RPTN: variants seen among roughly 807,000 people sequenced by gnomAD.
RPTN encodes intermediate filament-associated protein.
A neutral mutation model predicts 3.6 loss-of-function variants in RPTN; 4 were observed. The ratio of observed to expected loss-of-function variants is 1.12; its 90% CI spans 0.55 to 2.55. The LOEUF (loss-of-function observed/expected upper bound fraction) is 2.55, where lower values mean the gene tolerates loss of function less well. Ranked by LOEUF, RPTN falls within the 30% of genes most tolerant of loss-of-function variation. RPTN has a pLI of 0.02. For missense variants in RPTN, 860 were observed against 916.7 expected, an observed-to-expected ratio of 0.94 and a Z score of 0.80; for synonymous variants, 293 against 319.3, an observed-to-expected ratio of 0.92 and a Z score of 0.88.
intron 1 of RPTN, among the ~76,000 whole-genome samples, chr1:152,158,162 G>T (rs1659244132): frequency 6.6e-6 from 1 of 152,160 alleles, no homozygotes; most frequent in Non-Finnish European, 1.5e-5. Context: ...TGCATTGCAG[G>T]TGTTTTACAT....
In RPTN at chr1:152,154,669, C is replaced by G; in HGVS notation, c.*75G>C. On this transcript the variant is annotated 3_prime_UTR_variant, in exon 3 of 3. Transcript: ENST00000316073. ...ATTTTTGATTCTGAGATCCTTGATA[C>G]CTCTCTTTCTCCTCATAGTTTTGTC... 6 of 1,542,818 alleles carry G rather than the reference C, an allele frequency of 3.9e-6. No individual in the cohort carries two copies. The highest frequency in any genetic ancestry group is 4.4e-6 in the Non-Finnish European group (5 of 1,139,486).
chr1:152,156,695 CTG>C lies in RPTN; in HGVS notation c.402_403del (p.His134GlnfsTer4). 1 of 1,613,878 alleles carries C rather than the reference CTG, an allele frequency of 6.2e-7. No individual in the cohort carries two copies. The highest frequency in any genetic ancestry group is 8.5e-7 in the Non-Finnish European group (1 of 1,179,906). On this transcript the variant is annotated frameshift_variant, in exon 3 of 3. Coordinates refer to ENST00000316073, the MANE Select transcript of RPTN (RefSeq NM_001122965.1). LOFTEE classifies it low-confidence loss of function (END_TRUNC). Reference sequence around the variant, plus strand: ...ATCTCCGTCTTGTCTCTCAGGCTGACTGTGGTGGGAGTTCTGCCTTTCTTCCT... The same window carrying C: ...ATCTCCGTCTTGTCTCTCAGGCTGACTGGTGGGAGTTCTGCCTTTCTTCCT...
Position 152,155,628 on chromosome 1 carries a change from C to T in RPTN, c.1471G>A (p.Asp491Asn). 2.5e-6 allele frequency: 4 copies of T among 1,602,264 alleles called. No homozygotes were observed. The African/African-American group carries it at 5.4e-5, about 22-fold the overall frequency. The change falls in exon 3 of 3, where the codon GAC becomes AAC. Residue 491 changes from aspartate to asparagine, a missense_variant. Asp to Asn is a conservative substitution (Grantham distance 23). Coordinates refer to ENST00000316073, the MANE Select transcript of RPTN (RefSeq NM_001122965.1). The stretch of plus-strand genomic sequence containing the variant: ...TAATGATAACTCTGGTCTTGTCTGT[C>T]TATCTTACCATAGTGGGAACTCTGG... Reference protein sequence around the residue: ...QGQSSHYGKIDRQDQSYHYGQ... With the variant: ...QGQSSHYGKINRQDQSYHYGQ...
At position 152,154,664 on chromosome 1, in the gene RPTN, T is replaced by C; in HGVS notation, c.*80A>G. ...TTGGGATTTTTGATTCTGAGATCCT[T>C]GATACCTCTCTTTCTCCTCATAGTT... On this transcript the variant is annotated 3_prime_UTR_variant, in exon 3 of 3. Coordinates refer to ENST00000316073, the MANE Select transcript of RPTN (RefSeq NM_001122965.1). The C allele has an allele frequency of 6.5e-7, 1 of 1,543,678 alleles. No individual in the cohort carries two copies. The highest frequency in any genetic ancestry group is 8.8e-7 in the Non-Finnish European group (1 of 1,141,524).
At position 152,155,736 on chromosome 1, in the gene RPTN, C is replaced by G. The variant is rs143744326; in HGVS notation, c.1363G>C (p.Asp455His). ...TAGTGGGAACTCTGGCCTTGTCTGT[C>G]TGTCTGACCATAGTGGGAATTCTGG... ...QGQNSHYGQT[D>H]RQGQSSHYGQ... Residue 455 changes from aspartate (D) to histidine (H), a missense_variant, in exon 3 of 3, where the codon GAC (aspartate) becomes CAC (histidine). By Grantham distance (81) the Asp-to-His change is moderately conservative. Transcript: ENST00000316073. The G allele has an allele frequency of 0.031, 49,894 of 1,607,510 alleles. 908 individuals carry two copies. Among genetic ancestry groups the G allele is most frequent in the Non-Finnish European group, 0.036 (42,666 of 1,177,224 alleles).
chr1:152,155,310 A>T lies in RPTN; in HGVS notation c.1789T>A (p.Tyr597Asn). Reference sequence around the variant, plus strand: ...CTTGTTCCTTCAGTCCCTTGGAAGTACTTATTTTGCCCTTGTATTTCCCCA... The same window carrying T: ...CTTGTTCCTTCAGTCCCTTGGAAGTTCTTATTTTGCCCTTGTATTTCCCCA... ...QTGEIQGQNK[Y>N]FQGTEGTRKA... The change falls in exon 3 of 3, where the codon TAC becomes AAC. Residue 597 changes from tyrosine (Y) to asparagine (N), a missense_variant. Transcript: ENST00000316073. The T allele has an allele frequency of 6.2e-7, 1 of 1,614,198 alleles. No homozygotes were observed. Among genetic ancestry groups the T allele is most frequent in the South Asian group, 1.1e-5 (1 of 91,084 alleles).
rs750802676 is a variant in RPTN at position 152,155,270 on chromosome 1, A to C, written c.1829T>G (p.Val610Gly). 4 of 1,614,160 alleles carry C rather than the reference A, an allele frequency of 2.5e-6. No individual in the cohort carries two copies. The highest frequency in any genetic ancestry group is 3.4e-6 in the Non-Finnish European group (4 of 1,180,020). ...CCTCCCTGATCTTCCTGATTGTTCA[A>C]CATAAGAGGCTTTTCTTGTTCCTTC... ...GTEGTRKASY[V>G]EQSGRSGRLS... The change falls in exon 3 of 3, where the codon GTT becomes GGT. Residue 610 changes from valine to glycine, a missense_variant. Physicochemically the swap from Val to Gly is moderately radical, Grantham distance 109. Coordinates refer to ENST00000316073, the MANE Select transcript of RPTN (RefSeq NM_001122965.1).
rs759454761 is a variant in RPTN, at chr1:152,156,757, TG to T, written c.341del (p.Pro114GlnfsTer97). The T allele has an allele frequency of 1.9e-6, 3 of 1,614,214 alleles. No homozygotes were observed. The Admixed American group carries it at 5.0e-5, about 27-fold the overall frequency. ...GQEGAQDCKF[P>X]GNTGRQHRQR... ...GTCTGTGTTGTCTGCCTGTGTTTCC[TG>T]GGAACTTACAGTCTTGTGCTCCTTC... On this transcript the variant is annotated frameshift_variant, in exon 3 of 3. Transcript: ENST00000316073. LOFTEE classifies it low-confidence loss of function (END_TRUNC).
rs1234230439 is a variant in RPTN, at chr1:152,156,873, A to G, written c.226T>C (p.Leu76=). ...DGHIDFHEYL[L]LVFQLVQACY... ...GCTTGGACCAACTGGAACACCAACA[A>G]GAGGTACTCATGAAAATCAATATGT... Residue 76 remains leucine (L), a synonymous_variant, in exon 3 of 3, where the codon TTG becomes CTG. Transcript: ENST00000316073. The G allele has an allele frequency of 3.1e-6, 5 of 1,614,072 alleles. No individual in the cohort carries two copies. The highest frequency in any genetic ancestry group is 4.2e-6 in the Non-Finnish European group (5 of 1,180,028).
Position 152,155,244 on chromosome 1 carries a change from GCCTC to G in RPTN, c.1851_1854del (p.Arg618Ter), listed in dbSNP as rs1436549378. 6.2e-7 allele frequency: 1 copy of G among 1,614,088 alleles called. No homozygotes were observed. Among genetic ancestry groups the G allele is most frequent in the Non-Finnish European group, 8.5e-7 (1 of 1,180,044 alleles). ...TCCTGTCCTGGAGTCTGTTGACTTAGCCTCCCTGATCTTCCTGATTGTTCAACAT... is the reference window on the plus strand; with the variant it reads ...TCCTGTCCTGGAGTCTGTTGACTTAGCCTGATCTTCCTGATTGTTCAACAT... On this transcript the variant is annotated frameshift_variant, in exon 3 of 3. Coordinates refer to ENST00000316073, the MANE Select transcript of RPTN (RefSeq NM_001122965.1). LOFTEE classifies it low-confidence loss of function (END_TRUNC).
In RPTN at chr1:152,156,931, G is replaced by A; in HGVS notation, c.168C>T (p.Thr56=). ...QRPNDPETVE[T]ILNLLDQDRD... is the part of the protein sequence containing the mutation. ...GGTCTTGATCTAAGAGGTTCAAGAT[G>A]GTTTCCACAGTCTCTGGGTCATTTG... Residue 56 remains threonine (T), a synonymous_variant, in exon 3 of 3, where the codon ACC becomes ACT. Coordinates refer to ENST00000316073, the MANE Select transcript of RPTN (RefSeq NM_001122965.1). The A allele has an allele frequency of 6.2e-7, 1 of 1,613,874 alleles. No individual in the cohort carries two copies. Among genetic ancestry groups the A allele is most frequent in the Non-Finnish European group, 8.5e-7 (1 of 1,179,882 alleles).
rs1659153787 is a variant in RPTN, at chr1:152,154,661, C to T, written c.*83G>A. On this transcript the variant is annotated 3_prime_UTR_variant, in exon 3 of 3. Transcript: ENST00000316073. ...CACTTGGGATTTTTGATTCTGAGATCCTTGATACCTCTCTTTCTCCTCATA... is the reference window on the plus strand; with the variant it reads ...CACTTGGGATTTTTGATTCTGAGATTCTTGATACCTCTCTTTCTCCTCATA... The T allele has an allele frequency of 8.5e-6, 13 of 1,536,522 alleles. No homozygotes were observed. The South Asian group carries it at 1.3e-4, about 15-fold the overall frequency.
At position 152,153,778 on chromosome 1, in the gene RPTN, A is replaced by G. The variant is rs959591140; in HGVS notation, c.*966T>C. 15 of 152,376 alleles carry G rather than the reference A, an allele frequency of 9.8e-5. No individual in the cohort carries two copies. The highest frequency in any genetic ancestry group is 1.6e-4 in the Non-Finnish European group (11 of 68,046). The allele number at this position is 152,376 out of a possible 1,614,324, so 9.4% of individuals were successfully genotyped here. On this transcript the variant is annotated 3_prime_UTR_variant, in exon 3 of 3. Coordinates refer to ENST00000316073, the MANE Select transcript of RPTN (RefSeq NM_001122965.1). The stretch of plus-strand genomic sequence containing the variant: ...TAATCAGAAACTAGAAAGGTATTGA[A>G]TTGGAATGGGTCCATTCAGCTCTAG...
Position 152,155,481 on chromosome 1 carries a change from T to A in RPTN, c.1618A>T (p.Arg540Ter). 1 of 1,609,344 alleles carries A rather than the reference T, an allele frequency of 6.2e-7. No individual in the cohort carries two copies. The highest frequency in any genetic ancestry group is 8.5e-7 in the Non-Finnish European group (1 of 1,177,984). Reference sequence around the variant, plus strand: ...CCATAGTGGGAACTCTGGCCTTGTCTGTCCATCTGACTGTAGTGGGAACTC... The same window carrying A: ...CCATAGTGGGAACTCTGGCCTTGTCAGTCCATCTGACTGTAGTGGGAACTC... The part of the protein sequence containing the change: ...GQSSHYSQMD[R>*]QGQSSHYGQT... Residue 540 changes from arginine to a stop codon, truncating the protein, a stop_gained, in exon 3 of 3, where the codon AGA becomes TGA. Coordinates refer to ENST00000316073, the MANE Select transcript of RPTN (RefSeq NM_001122965.1). LOFTEE classifies it low-confidence loss of function (END_TRUNC).
rs1659238079 is a variant in RPTN, at chr1:152,157,836, A to G, written c.54T>C (p.Tyr18=). Residue 18 remains tyrosine (Y), a synonymous_variant, in exon 2 of 3, where the codon TAT becomes TAC. Coordinates refer to ENST00000316073, the MANE Select transcript of RPTN (RefSeq NM_001122965.1). The stretch of plus-strand genomic sequence containing the variant: ...AGGCACAGTCCCCATTCCCTTTGGC[A>G]TATTTGTGGAATACGTCAATCACAC... The part of the protein sequence containing the change: ...ILSVIDVFHK[Y]AKGNGDCALL... 6.2e-7 allele frequency: 1 copy of G among 1,613,900 alleles called. No homozygotes were observed. The highest frequency in any genetic ancestry group is 8.5e-7 in the Non-Finnish European group (1 of 1,179,886).
Position 152,155,447 on chromosome 1 carries a change from T to C in RPTN, c.1652A>G (p.Asp551Gly), listed in dbSNP as rs755469630. ...GTAGTGGGAACTCTGGCCTTGTCTGTCTGTCTGACCATAGTGGGAACTCTG... is the reference window on the plus strand; with the variant it reads ...GTAGTGGGAACTCTGGCCTTGTCTGCCTGTCTGACCATAGTGGGAACTCTG... ...QGQSSHYGQT[D>G]RQGQSSHYGQ... is the part of the protein sequence containing the mutation. The change falls in exon 3 of 3, where the codon GAC (aspartate) becomes GGC (glycine). Residue 551 changes from aspartate (D) to glycine (G), a missense_variant. Transcript: ENST00000316073. 8 of 1,613,646 alleles carry C rather than the reference T, an allele frequency of 5.0e-6. No homozygotes were observed. In the South Asian group the frequency reaches 7.7e-5, roughly 16 times the overall value.
Position 152,157,814 on chromosome 1 carries a change from C to T in RPTN, c.76G>A (p.Ala26Thr), listed in dbSNP as rs749800791. 1 of 1,613,760 alleles carries T rather than the reference C, an allele frequency of 6.2e-7. No individual in the cohort carries two copies. Among genetic ancestry groups the T allele is most frequent in the Non-Finnish European group, 8.5e-7 (1 of 1,179,796 alleles). The change falls in exon 2 of 3, where the codon GCC (alanine) becomes ACC (threonine). Residue 26 changes from alanine (A) to threonine (T), a missense_variant. Physicochemically the swap from Ala to Thr is moderately conservative, Grantham distance 58. Coordinates refer to ENST00000316073, the MANE Select transcript of RPTN (RefSeq NM_001122965.1). ...TTCAACTCTTCCTTGCATAGTAAGG[C>T]ACAGTCCCCATTCCCTTTGGCATAT... is the stretch of plus-strand genomic sequence containing the variant. ...HKYAKGNGDC[A>T]LLCKEELKQL...
chr1:152,155,873 T>A lies in RPTN; in HGVS notation c.1226A>T (p.Gln409Leu), dbSNP rs751896102. The change falls in exon 3 of 3, where the codon CAA (glutamine) becomes CTA (leucine). Residue 409 changes from glutamine (Q) to leucine (L), a missense_variant. By Grantham distance (113) the Gln-to-Leu change is moderately radical. Transcript: ENST00000316073. ...CTGACTGTAGTGGGAACTCTGGCCT[T>A]GTCTCTCTGTCTGACCATAGTGAGA... Reference protein sequence around the residue: ...QSSHYGQTERQGQSSHYSQMD... With the variant: ...QSSHYGQTERLGQSSHYSQMD... 3.7e-6 allele frequency: 6 copies of A among 1,611,974 alleles called. No homozygotes were observed. The highest frequency in any genetic ancestry group is 1.6e-4 in the Middle Eastern group (1 of 6,082).
rs1451979610 is a variant in RPTN at position 152,157,898 on chromosome 1, G to A, written c.-9C>T. ...TTCAGGAGTTGAGCCATTTTGACAA[G>A]TACGGGTGAACCTAAAAGAAGAAAC... On this transcript the variant is annotated 5_prime_UTR_variant, in exon 2 of 3. Transcript: ENST00000316073. The A allele has an allele frequency of 1.2e-6, 2 of 1,613,368 alleles. No individual in the cohort carries two copies. The highest frequency in any genetic ancestry group is 1.7e-6 in the Non-Finnish European group (2 of 1,179,616).
Sources: allele counts gnomAD v4.1 joint callset (sites outside exome capture counted in the v4.1 genomes callset), GRCh38; gene constraint gnomAD v4.1.1; transcripts MANE v1.5; gene names NCBI Gene and HGNC (gene_info 2026-07-23, HGNC 2026-07-21).